Variants in CNTNAP2 observed in about 807,000 individuals in gnomAD.
CNTNAP2 encodes the protein contactin-associated protein-like 2.
In CNTNAP2, 98 loss-of-function variants were observed where a neutral mutation model predicts 155.2. That is an observed-to-expected ratio of 0.63 (90% CI 0.54 to 0.75). The LOEUF (loss-of-function observed/expected upper bound fraction) is 0.75. Ranked by LOEUF, CNTNAP2 falls within the 30% of genes least tolerant of loss-of-function variation. The pLI, the probability that CNTNAP2 is intolerant of heterozygous loss-of-function variation, is 0.00. For missense variants in CNTNAP2, 1,727 were observed against 1,688.1 expected (o/e 1.02, Z -0.40); for synonymous variants, 651 against 631.2 (o/e 1.03, Z -0.47).
At chr7:146,239,753 G>T in intron 1 of CNTNAP2, among the ~76,000 whole-genome samples, 1 of 152,114 alleles carries the variant, frequency 6.6e-6, no homozygotes, top group East Asian at 1.9e-4. Flanking sequence ...AGCATTTTAT[G>T]AATGCACCTT....
intron 13 of CNTNAP2, among the ~76,000 whole-genome samples, chr7:147,870,743 T>C (rs922252825): frequency 3.3e-5 from 5 of 152,152 alleles, no homozygotes; most frequent in African/African-American, 1.2e-4. Context: ...ACACTTCTTG[T>C]CCTTGAGAAC....
intron 11 of CNTNAP2, among the ~76,000 whole-genome samples, chr7:147,510,446 T>C (rs1049566690): frequency 6.6e-6 from 1 of 151,946 alleles, no homozygotes; most frequent in Non-Finnish European, 1.5e-5. Context: ...ACTTCAGAAA[T>C]AAAGGGAGTC....
At chr7:148,308,551 G>GTATTTAGTTATT (rs1310412127) in intron 21 of CNTNAP2, among the ~76,000 whole-genome samples, 2 of 148,298 alleles carry the variant, frequency 1.3e-5, no homozygotes, top group African/African-American at 5.0e-5. Flanking sequence ...ACCTATTTAT[G>GTATTTAGTTATT]TATTTATTTA....
chr7:147,184,800 A>G (rs1802530971), intron 8 of CNTNAP2, among the ~76,000 whole-genome samples: 1 of 152,212 alleles, frequency 6.6e-6, no homozygotes. Context: ...AACGAACCAA[A>G]AATGTTAAAG....
At chr7:147,407,467 C>CAAAAA (rs768738493) in intron 10 of CNTNAP2, among the ~76,000 whole-genome samples, 1 of 64,864 alleles carries the variant, frequency 1.5e-5, no homozygotes. Context: ...GACTCCCTCT[C>CAAAAA]AAAAAAAAAA....
chr7:147,149,094 C>G (rs888983187), intron 8 of CNTNAP2, among the ~76,000 whole-genome samples: 2 of 152,180 alleles, frequency 1.3e-5, no homozygotes, highest in African/African-American at 4.8e-5. Flanking sequence ...TTATTTGACC[C>G]CGCACACATC....
chr7:146,419,418 A>G (rs1348078903), intron 1 of CNTNAP2, among the ~76,000 whole-genome samples: 1 of 152,086 alleles, frequency 6.6e-6, no homozygotes, highest in Non-Finnish European at 1.5e-5. Flanking sequence ...ATGTAGGACA[A>G]TAAATTTTTC....
At chr7:147,348,689 C>T (rs1286785758) in intron 9 of CNTNAP2, among the ~76,000 whole-genome samples, 2 of 152,050 alleles carry the variant, frequency 1.3e-5, no homozygotes, top group African/African-American at 2.4e-5. Flanking sequence ...GAGATATCTA[C>T]ACCCCCATGT....
chr7:147,007,435 C>A (rs1464845326), intron 3 of CNTNAP2, among the ~76,000 whole-genome samples: 1 of 152,038 alleles, frequency 6.6e-6, no homozygotes, highest in Non-Finnish European at 1.5e-5. Flanking sequence ...TACTCTAATG[C>A]TTTTCTTCAT....
intron 21 of CNTNAP2, among the ~76,000 whole-genome samples, chr7:148,301,967 C>T (rs562795911): frequency 1.3e-5 from 2 of 152,332 alleles, no homozygotes; most frequent in African/African-American, 4.8e-5. Flanking sequence ...TGCTGTATGA[C>T]ACCAAGGCTA....
chr7:148,290,701 C>T lies in CNTNAP2; in HGVS notation c.3475+23575C>T, dbSNP rs567866509. The stretch of plus-strand genomic sequence containing the variant: ...ATTAAGGTAGTTGTTCATTCCCTGT[C>T]GTAATTAGACCTCCCATTTCAGCCT... On this transcript the variant is annotated intron_variant, in intron 21 of 23. Transcript: ENST00000361727. Among the ~76,000 whole-genome samples, 33 of 152,266 alleles carry T rather than the reference C, an allele frequency of 2.2e-4. 1 individual carries two copies. Among genetic ancestry groups the T allele is most frequent in the Admixed American group, 7.8e-4 (12 of 15,294 alleles).
At chr7:148,170,045 A>C (rs1328840726) in intron 17 of CNTNAP2, among the ~76,000 whole-genome samples, 1 of 152,150 alleles carries the variant, frequency 6.6e-6, no homozygotes, top group Non-Finnish European at 1.5e-5. Context: ...CTTCCTTTTT[A>C]TTTACACATA....
chr7:146,713,898 CA>C (rs2129175802), intron 1 of CNTNAP2, among the ~76,000 whole-genome samples: 1 of 152,030 alleles, frequency 6.6e-6, no homozygotes, highest in African/African-American at 2.4e-5. Flanking sequence ...ATACCTAGCT[CA>C]GAGCATTATT....
At chr7:147,469,518 T>TTTTTTTTTTTTTTTTTTTTTTTTTTTTTG (rs1798176608) in intron 10 of CNTNAP2, among the ~76,000 whole-genome samples, 1 of 78,460 alleles carries the variant, frequency 1.3e-5, no homozygotes, top group Non-Finnish European at 2.5e-5. Context: ...TTTTTTTTTT[T>TTTTTTTTTTTTTTTTTTTTTTTTTTTTTG]TTTTTTTTTT....
chr7:147,784,497 A>G (rs1797706368), intron 13 of CNTNAP2, among the ~76,000 whole-genome samples: 1 of 2,580 alleles, frequency 3.9e-4, no homozygotes, highest in Non-Finnish European at 6.0e-4. Flanking sequence ...CTGGACTAAT[A>G]TATATATATA....
intron 2 of CNTNAP2, among the ~76,000 whole-genome samples, chr7:146,821,497 T>C (rs1803282496): frequency 6.6e-6 from 1 of 152,114 alleles, no homozygotes; most frequent in South Asian, 2.1e-4. Flanking sequence ...TTGGAGCTTC[T>C]GCACAGCAAA....
At chr7:148,054,185 G>A (rs1802963096) in intron 15 of CNTNAP2, among the ~76,000 whole-genome samples, 2 of 152,036 alleles carry the variant, frequency 1.3e-5, no homozygotes, top group Admixed American at 6.5e-5. Flanking sequence ...TGTTAGCCAG[G>A]ATGTTCTTGA....
In CNTNAP2 at chr7:146,221,906, A is replaced by G. The variant is rs1363998395; in HGVS notation, c.97+104933A>G. Among the ~76,000 whole-genome samples, 3 of 152,212 alleles carry G rather than the reference A, an allele frequency of 2.0e-5. No homozygotes were observed. In the East Asian group the frequency reaches 5.8e-4, roughly 29 times the overall value. Reference sequence around the variant, plus strand: ...ATTAAATTTTCATTGCATTCAAGGAAAAGACAATGAGGTTCCTATCATTTA... The same window carrying G: ...ATTAAATTTTCATTGCATTCAAGGAGAAGACAATGAGGTTCCTATCATTTA... On this transcript the variant is annotated intron_variant, in intron 1 of 23. Coordinates refer to ENST00000361727, the MANE Select transcript of CNTNAP2 (RefSeq NM_014141.6).
chr7:147,425,261 T>C (rs1361763650), intron 10 of CNTNAP2, among the ~76,000 whole-genome samples: 6 of 28,872 alleles, frequency 2.1e-4, no homozygotes, highest in South Asian at 3.5e-3. Context: ...ACAATGACCA[T>C]TGCCTTTAAA....
Sources: allele counts gnomAD v4.1 joint callset (sites outside exome capture counted in the v4.1 genomes callset), GRCh38; gene constraint gnomAD v4.1.1; transcripts MANE v1.5; gene names NCBI Gene and HGNC (gene_info 2026-07-23, HGNC 2026-07-21).